Variants in ACACB observed in about 807,000 individuals in gnomAD.
ACACB encodes the protein acetyl-CoA carboxylase 2.
In ACACB, 209 loss-of-function variants were observed where a neutral mutation model predicts 278.8. The ratio of observed to expected loss-of-function variants is 0.75; its 90% CI spans 0.67 to 0.84. The LOEUF is 0.84. Ranked by LOEUF, ACACB falls within the 40% of genes least tolerant of loss-of-function variation. ACACB has a pLI of 0.00. For missense variants in ACACB, 2,850 were observed against 3,269.0 expected, an observed-to-expected ratio of 0.87 and a Z score of 3.13; for synonymous variants, 1,174 against 1,285.6, an observed-to-expected ratio of 0.91 and a Z score of 1.86.
At chr12:109,156,606 G>GC (rs11395613) in intron 2 of ACACB, among the ~76,000 whole-genome samples, 63,507 of 139,106 alleles carry the variant, frequency 0.46, 15,366 homozygotes, top group Middle Eastern at 0.66. Context: ...TTTTTTTTTG[G>GC]GGGGGGGCTA....
rs532295447 is a variant in ACACB at position 109,120,488 on chromosome 12, G to A, written c.-10+3784G>A. 2.6e-5 allele frequency among the ~76,000 whole-genome samples: 4 copies of A among 152,314 alleles called. 1 individual carries two copies. The highest frequency in any genetic ancestry group is 7.2e-5 in the African/African-American group (3 of 41,562). On this transcript the variant is annotated intron_variant, in intron 1 of 52. Coordinates refer to ENST00000338432, the MANE Select transcript of ACACB (RefSeq NM_001093.4). ...ATCCTGGGAGGCAGGACCATGGAGTGGATGAGGTTCACAGGCTCGAGCTCT... is the reference window on the plus strand; with the variant it reads ...ATCCTGGGAGGCAGGACCATGGAGTAGATGAGGTTCACAGGCTCGAGCTCT...
At chr12:109,208,147 A>G (rs911343993) in intron 20 of ACACB, among the ~76,000 whole-genome samples, 1 of 152,010 alleles carries the variant, frequency 6.6e-6, no homozygotes, top group Non-Finnish European at 1.5e-5. Flanking sequence ...AACCATGGCC[A>G]TCAGGATTCT....
chr12:109,240,118 C>T, intron 35 of ACACB, 133 bp downstream of exon 35: 1 of 1,075,678 alleles, frequency 9.3e-7, no homozygotes, highest in Non-Finnish European at 1.3e-6. Context: ...GCCTCAGTTG[C>T]TGCGGGAGGA....
chr12:109,143,123 T>C (rs919026415), intron 2 of ACACB, among the ~76,000 whole-genome samples: 1 of 151,982 alleles, frequency 6.6e-6, no homozygotes, highest in African/African-American at 2.4e-5. Flanking sequence ...TGAACTTGGG[T>C]GAGTCCCTTC....
At chr12:109,212,750 T>C (rs2045886126) in intron 21 of ACACB, 86 bp from the exon 22 acceptor site, 2 of 1,101,702 alleles carry the variant, frequency 1.8e-6, no homozygotes, top group Non-Finnish European at 2.7e-6. Context: ...CTCGTTTGGG[T>C]ACTGGTTTGG....
chr12:109,259,194 A>C, intron 47 of ACACB, 86 bp downstream of exon 47: 1 of 1,480,508 alleles, frequency 6.8e-7, no homozygotes, highest in East Asian at 2.3e-5. Flanking sequence ...CTAATGTCCT[A>C]GTCTGTGCCC....
At chr12:109,251,965 C>A in intron 41 of ACACB, 81 bp from the exon 42 acceptor site, 2 of 1,037,880 alleles carry the variant, frequency 1.9e-6, no homozygotes, top group Non-Finnish European at 2.7e-6. Flanking sequence ...TTGGTCCCAG[C>A]AGGTTCCTGG....
At chr12:109,188,216 TC>T in intron 13 of ACACB, 54 bp downstream of exon 13, 1 of 1,426,754 alleles carries the variant, frequency 7.0e-7, no homozygotes, top group African/African-American at 1.4e-5. Flanking sequence ...CTTCCTTCCT[TC>T]CTTCCTTCCT....
At chr12:109,242,642 T>C in intron 37 of ACACB, 50 bp downstream of exon 37, 1 of 1,595,268 alleles carries the variant, frequency 6.3e-7, no homozygotes, top group East Asian at 2.2e-5. Context: ...CCCAGCAGAC[T>C]CCACCAGAAC....
intron 16 of ACACB, among the ~76,000 whole-genome samples, chr12:109,194,025 C>T (rs2044999207): frequency 6.6e-6 from 1 of 152,192 alleles, no homozygotes; most frequent in Admixed American, 6.5e-5. Context: ...TGTCCCAGTT[C>T]TGGAAGCCAA....
intron 2 of ACACB, among the ~76,000 whole-genome samples, chr12:109,161,764 G>A (rs934680338): frequency 5.9e-5 from 9 of 151,784 alleles, no homozygotes; most frequent in Non-Finnish European, 8.8e-5. Flanking sequence ...GTGTGTGTGT[G>A]TGTATACCTA....
Position 109,250,046 on chromosome 12 carries a change from C to T in ACACB, c.5732C>T (p.Ser1911Leu), listed in dbSNP as rs1381592742. ...DGLGVENLRG[S>L]GMIAGESSLA... Reference sequence around the variant, plus strand: ...TTGGGCGTGGAGAATCTGAGGGGCTCAGGCATGATTGCTGGGGAGTCCTCT... The same window carrying T: ...TTGGGCGTGGAGAATCTGAGGGGCTTAGGCATGATTGCTGGGGAGTCCTCT... The change falls in exon 41 of 53, where the codon TCA becomes TTA. Residue 1911 changes from serine (S) to leucine (L), a missense_variant. This residue lies in a region of ACACB where 2,265 missense variants were observed against 2,561.3 expected (regional missense o/e 0.88). Coordinates refer to ENST00000338432, the MANE Select transcript of ACACB (RefSeq NM_001093.4). 1.2e-6 allele frequency: 2 copies of T among 1,613,648 alleles called. No homozygotes were observed.
chr12:109,257,425 C>T (rs1473817995), intron 45 of ACACB, among the ~76,000 whole-genome samples: 1 of 152,134 alleles, frequency 6.6e-6, no homozygotes, highest in Non-Finnish European at 1.5e-5. Context: ...TGTAGTGATG[C>T]ACAGTTCAGT....
rs59516728 is a variant in ACACB, at chr12:109,122,572, C to CAAA, written c.-10+5891_-10+5893dup. ...TAGGCGCCAGAGTCAGACATTGTCTCAAAAAAAAAAAAAAAAAAAAAAAAA... is the reference window on the plus strand; with the variant it reads ...TAGGCGCCAGAGTCAGACATTGTCTCAAAAAAAAAAAAAAAAAAAAAAAAAAAA... On this transcript the variant is annotated intron_variant, in intron 1 of 52. Transcript: ENST00000338432. Among the ~76,000 whole-genome samples, 412 of 61,630 alleles carry CAAA rather than the reference C, an allele frequency of 6.7e-3. 14 individuals carry two copies. The highest frequency in any genetic ancestry group is 0.015 in the African/African-American group (259 of 17,194). 40.4% of individuals were successfully genotyped at this position (61,630 alleles called of 152,430 possible).
chr12:109,245,094 A>G (rs1048553271), intron 37 of ACACB, among the ~76,000 whole-genome samples: 2 of 151,564 alleles, frequency 1.3e-5, no homozygotes, highest in South Asian at 2.1e-4. Flanking sequence ...TTGAGGCAGG[A>G]GAATCACTGA....
intron 31 of ACACB, among the ~76,000 whole-genome samples, 154 bp downstream of exon 31, chr12:109,234,199 C>T (rs919468359): frequency 1.3e-5 from 2 of 152,160 alleles, no homozygotes; most frequent in South Asian, 2.1e-4. Context: ...TCATAGCTGG[C>T]GACCTTGGGC....
chr12:109,202,267 C>T (rs894543158), intron 19 of ACACB, among the ~76,000 whole-genome samples: 1 of 152,060 alleles, frequency 6.6e-6, no homozygotes, highest in Non-Finnish European at 1.5e-5. Flanking sequence ...TGGCCAGTTT[C>T]CCTGTCATTC....
intron 1 of ACACB, among the ~76,000 whole-genome samples, chr12:109,119,723 C>A (rs1435758992): frequency 1.3e-5 from 2 of 152,032 alleles, no homozygotes; most frequent in African/African-American, 4.8e-5. Flanking sequence ...ATGGCAAAAC[C>A]CTGTCTCTAC....
chr12:109,249,681 G>A (rs2047042097), intron 40 of ACACB: 1 of 188,548 alleles, frequency 5.3e-6, no homozygotes, highest in Admixed American at 6.1e-5. Context: ...TAGTAGAGAT[G>A]GGGTTTCGCC....
Sources: allele counts gnomAD v4.1 joint callset (sites outside exome capture counted in the v4.1 genomes callset), GRCh38; gene constraint gnomAD v4.1.1; regional missense constraint gnomAD v4.1.1; transcripts MANE v1.5; gene names NCBI Gene and HGNC (gene_info 2026-07-23, HGNC 2026-07-21).